The following MTG1 variants were observed in gnomAD, a reference collection of about 807,000 sequenced individuals.
MTG1 encodes the protein mitochondrial ribosome-associated GTPase 1.
Under a neutral mutation model 39.5 loss-of-function variants are expected in MTG1, and 30 were observed. The ratio of observed to expected loss-of-function variants is 0.76; its 90% CI spans 0.57 to 1.03. MTG1 has a LOEUF of 1.03. Among genes scored for constraint, MTG1 ranks in the 50% least tolerant of loss-of-function variants. MTG1 has a pLI of 0.00. For missense variants in MTG1, 513 were observed against 447.4 expected (o/e 1.15, Z -1.32); for synonymous variants, 217 against 179.0 (o/e 1.21, Z -1.69).
intron 9 of MTG1, among the ~76,000 whole-genome samples, chr10:133,409,775 C>T (rs951669845): frequency 6.6e-6 from 1 of 152,116 alleles, no homozygotes; most frequent in Non-Finnish European, 1.5e-5. Flanking sequence ...CGTATAGTGA[C>T]TTTCTCTGTG....
intron 4 of MTG1, 117 bp from the exon 5 acceptor site, chr10:133,399,053 G>A (rs377737574): frequency 1.4e-5 from 16 of 1,131,254 alleles, no homozygotes; most frequent in African/African-American, 6.2e-5. Flanking sequence ...TTTTCCTAAC[G>A]GATATGTGAA....
At chr10:133,398,283 C>T (rs954031170) in intron 3 of MTG1, 152 bp from the exon 4 acceptor site, 1 of 671,248 alleles carries the variant, frequency 1.5e-6, no homozygotes, top group African/African-American at 1.8e-5. Flanking sequence ...GCCTGTAATC[C>T]CTGCTACTTG....
intron 9 of MTG1, among the ~76,000 whole-genome samples, chr10:133,414,741 G>A (rs556212178): frequency 7.2e-5 from 11 of 152,200 alleles, no homozygotes; most frequent in East Asian, 1.9e-4. Flanking sequence ...AGGCAGAGAC[G>A]CTCCTCGCTT....
chr10:133,407,616 T>G (rs185528107), intron 9 of MTG1, among the ~76,000 whole-genome samples: 7 of 151,752 alleles, frequency 4.6e-5, no homozygotes, highest in Non-Finnish European at 8.8e-5. Flanking sequence ...TTGCCCAGTC[T>G]GGAGTGCAAT....
chr10:133,418,347 A>C (rs938855557), intron 9 of MTG1, among the ~76,000 whole-genome samples: 1 of 151,902 alleles, frequency 6.6e-6, no homozygotes, highest in East Asian at 1.9e-4. Flanking sequence ...TAGGTGATGG[A>C]TATCTACATT....
At chr10:133,419,646 A>G (rs1850196708) in intron 10 of MTG1, 54 bp downstream of exon 10, 2 of 1,438,782 alleles carry the variant, frequency 1.4e-6, no homozygotes, top group African/African-American at 1.4e-5. Flanking sequence ...ACCCTGGGGG[A>G]CCCCGGCCAT....
rs1368975802 is a variant in MTG1 at position 133,419,467 on chromosome 10, AGCC to A, written c.753-12_753-10del. 1.3e-6 allele frequency: 2 copies of A among 1,579,770 alleles called. No individual in the cohort carries two copies. Among genetic ancestry groups the A allele is most frequent in the African/African-American group, 1.3e-5 (1 of 74,260 alleles). ...GCTGGGCCCCCTGGTGCTGACCTGC[AGCC>A]TATGTGCAGGTACGTGCAGCACTAC... On this transcript the variant is annotated splice_polypyrimidine_tract_variant and intron_variant, in intron 9 of 10. Coordinates refer to ENST00000317502, the MANE Select transcript of MTG1 (RefSeq NM_138384.4).
intron 9 of MTG1, among the ~76,000 whole-genome samples, chr10:133,411,568 C>T (rs1312632014): frequency 1.3e-5 from 2 of 152,050 alleles, no homozygotes; most frequent in East Asian, 3.9e-4. Flanking sequence ...TTCTTGAACC[C>T]CAGTAATTCC....
At chr10:133,401,883 C>T (rs989653568) in intron 7 of MTG1, 7 of 607,944 alleles carry the variant, frequency 1.2e-5, no homozygotes, top group African/African-American at 9.2e-5. Flanking sequence ...GCCCCCCGCC[C>T]CACCCTCCAC....
At chr10:133,396,623 T>C (rs1476382689) in intron 3 of MTG1, among the ~76,000 whole-genome samples, 1 of 152,178 alleles carries the variant, frequency 6.6e-6, no homozygotes, top group East Asian at 1.9e-4. Context: ...ATAAAACATA[T>C]GAAATAAGAA....
Position 133,419,554 on chromosome 10 carries a change from TG to T in MTG1, c.831del (p.Lys278ArgfsTer5). ...GTGCTGAAGAGTGTGGCTGTGAAGC[TG>T]GGGAAGACGCAGAAGGTGAAGGTGC... Reference protein sequence around the residue: ...ERVLKSVAVKLGKTQKVKVLT... With the variant: ...ERVLKSVAVKXGKTQKVKVLT... On this transcript the variant is annotated frameshift_variant, in exon 10 of 11. Coordinates refer to ENST00000317502, the MANE Select transcript of MTG1 (RefSeq NM_138384.4). LOFTEE classifies it low-confidence loss of function (END_TRUNC). 1 of 1,610,170 alleles carries T rather than the reference TG, an allele frequency of 6.2e-7. No individual in the cohort carries two copies. Among genetic ancestry groups the T allele is most frequent in the South Asian group, 1.1e-5 (1 of 90,228 alleles).
intron 9 of MTG1, among the ~76,000 whole-genome samples, chr10:133,417,194 T>C (rs1182914973): frequency 6.6e-6 from 1 of 152,022 alleles, no homozygotes; most frequent in Non-Finnish European, 1.5e-5. Flanking sequence ...TCAAGTGGGC[T>C]TCATCCCTGG....
At chr10:133,416,095 C>G (rs1850127820) in intron 9 of MTG1, among the ~76,000 whole-genome samples, 1 of 142,408 alleles carries the variant, frequency 7.0e-6, no homozygotes, top group Non-Finnish European at 1.5e-5. Context: ...CTCAGTAAAG[C>G]TTTGTGCCTG....
chr10:133,397,844 T>C (rs2133492922), intron 3 of MTG1, among the ~76,000 whole-genome samples: 1 of 151,884 alleles, frequency 6.6e-6, no homozygotes, highest in South Asian at 2.1e-4. Context: ...GTCATATCAG[T>C]GGCAACTCCT....
intron 9 of MTG1, among the ~76,000 whole-genome samples, chr10:133,413,918 C>CTTTTTT (rs1285224313): frequency 3.7e-5 from 5 of 136,110 alleles, no homozygotes; most frequent in Non-Finnish European, 8.0e-5. Context: ...GTTTTCTTTT[C>CTTTTTT]TTTTTTTTTT....
rs1252281896 is a variant in MTG1 at position 133,394,883 on chromosome 10, C to G, written c.112+551C>G. The G allele has an allele frequency of 8.9e-6, 3 of 335,438 alleles. No individual in the cohort carries two copies. The East Asian group carries it at 5.0e-4, about 56-fold the overall frequency. The allele number at this position is 335,438 out of a possible 1,614,324, so 20.8% of individuals were successfully genotyped here. On this transcript the variant is annotated intron_variant, in intron 1 of 10. Coordinates refer to ENST00000317502, the MANE Select transcript of MTG1 (RefSeq NM_138384.4). ...GGTGTTGTGATGGCCACTCCTGCGT[C>G]GGCTCCGCGTGTACTGGGGGCCGAG...
At chr10:133,397,357 T>C (rs1849797983) in intron 3 of MTG1, among the ~76,000 whole-genome samples, 1 of 148,696 alleles carries the variant, frequency 6.7e-6, no homozygotes, top group Non-Finnish European at 1.5e-5. Flanking sequence ...CCCCTTTTGC[T>C]TTGTATCCAA....
intron 9 of MTG1, among the ~76,000 whole-genome samples, chr10:133,411,306 CT>C (rs1850042595): frequency 6.6e-6 from 1 of 152,140 alleles, no homozygotes; most frequent in South Asian, 2.1e-4. Context: ...TACATTGGAG[CT>C]CTTTTATAAA....
chr10:133,415,136 G>A (rs1395666375), intron 9 of MTG1, among the ~76,000 whole-genome samples: 2 of 151,528 alleles, frequency 1.3e-5, no homozygotes, highest in Non-Finnish European at 3.0e-5. Flanking sequence ...GCTTCGGCTC[G>A]GCATCAGAGG....
Sources: gnomAD v4.1 joint callset for allele counts (sites outside exome capture counted in the v4.1 genomes callset) on GRCh38, gnomAD v4.1.1 for gene constraint, MANE v1.5 for transcripts, NCBI Gene and HGNC (gene_info 2026-07-23, HGNC 2026-07-21) for gene names.